RBBP8: variants seen among roughly 807,000 people sequenced by gnomAD.
RBBP8 encodes the protein DNA endonuclease RBBP8.
Under a neutral mutation model 108.3 loss-of-function variants are expected in RBBP8, and 88 were observed. The observed-to-expected ratio is 0.81, with a 90% CI of 0.68 to 0.97. RBBP8 has a LOEUF of 0.97. Among genes scored for constraint, RBBP8 ranks in the 50% least tolerant of loss-of-function variants. RBBP8 has a pLI of 0.00. For missense variants in RBBP8, 1,023 were observed against 1,049.0 expected (o/e 0.98, Z 0.34); for synonymous variants, 332 against 348.2 (o/e 0.95, Z 0.52).
At chr18:22,961,051 C>G (rs1038592973) in intron 4 of RBBP8, among the ~76,000 whole-genome samples, 21 of 152,160 alleles carry the variant, frequency 1.4e-4, no homozygotes, top group African/African-American at 5.1e-4. Context: ...TAAATAGGAA[C>G]AGTTCCAACA....
At chr18:22,965,491 C>G (rs944314247) in intron 4 of RBBP8, among the ~76,000 whole-genome samples, 1 of 152,084 alleles carries the variant, frequency 6.6e-6, no homozygotes, top group Non-Finnish European at 1.5e-5. Flanking sequence ...TGTAATAGGG[C>G]TGACTCCCAG....
At chr18:22,930,651 T>A (rs1242670602), upstream of RBBP8, among the ~76,000 whole-genome samples, 1 of 152,196 alleles carries the variant, frequency 6.6e-6, no homozygotes, top group Non-Finnish European at 1.5e-5. Flanking sequence ...AAGGTTTCCA[T>A]TTACATAGAA....
chr18:22,996,323 A>C, intron 12 of RBBP8, 51 bp from the exon 13 acceptor site: 1 of 1,606,528 alleles, frequency 6.2e-7, no homozygotes, highest in South Asian at 1.1e-5. Flanking sequence ...TAAAGTGATG[A>C]GAATTTTTGA....
In RBBP8 at chr18:23,026,235, A is replaced by G; in HGVS notation, c.2689A>G (p.Thr897Ala). The G allele has an allele frequency of 6.2e-7, 1 of 1,612,696 alleles. No homozygotes were observed. Among genetic ancestry groups the G allele is most frequent in the Non-Finnish European group, 8.5e-7 (1 of 1,178,842 alleles). Reference sequence around the variant, plus strand: ...TTCTCCAAAAGGCAAGGAGCAGAAGACATAGACGTTGAAACAGAAACAGAA... The same window carrying G: ...TTCTCCAAAAGGCAAGGAGCAGAAGGCATAGACGTTGAAACAGAAACAGAA... Reference protein sequence around the residue: ...IFSPKGKEQKT With the variant: ...IFSPKGKEQKA Residue 897 changes from threonine to alanine, a missense_variant, in exon 19 of 19, where the codon ACA (threonine) becomes GCA (alanine). Physicochemically the swap from Thr to Ala is moderately conservative, Grantham distance 58. Transcript: ENST00000327155.
intron 15 of RBBP8, among the ~76,000 whole-genome samples, chr18:23,003,114 A>G (rs1348523869): frequency 1.3e-5 from 2 of 152,102 alleles, no homozygotes; most frequent in East Asian, 3.8e-4. Context: ...GAATATCCCC[A>G]AGACTCTTTC....
intron 3 of RBBP8, among the ~76,000 whole-genome samples, chr18:22,921,249 C>T (rs1909582088): frequency 6.6e-6 from 1 of 152,100 alleles, no homozygotes; most frequent in Admixed American, 6.5e-5. Context: ...TGAGTTCATC[C>T]ACCACTATGA....
At chr18:22,951,803 T>G (rs1912070474) in intron 4 of RBBP8, among the ~76,000 whole-genome samples, 1 of 152,190 alleles carries the variant, frequency 6.6e-6, no homozygotes. Flanking sequence ...AGGAAAACAT[T>G]TATATTTATC....
At chr18:22,978,131 A>C (rs930498502) in intron 6 of RBBP8, among the ~76,000 whole-genome samples, 4 of 152,196 alleles carry the variant, frequency 2.6e-5, no homozygotes, top group African/African-American at 9.6e-5. Context: ...AGTTCTTCAG[A>C]GTAGAAAAGG....
chr18:22,924,610 A>G (rs1004321555), intron 3 of RBBP8, among the ~76,000 whole-genome samples: 4 of 152,022 alleles, frequency 2.6e-5, no homozygotes, highest in Non-Finnish European at 4.4e-5. Flanking sequence ...TTTTATAGAA[A>G]CAAAGCCTCA....
At chr18:22,977,361 G>A (rs1914569649) in intron 6 of RBBP8, among the ~76,000 whole-genome samples, 2 of 151,976 alleles carry the variant, frequency 1.3e-5, no homozygotes, top group Non-Finnish European at 2.9e-5. Context: ...GTTAAATGCA[G>A]TAACTCTAAC....
chr18:22,963,778 CATA>C (rs1473938704), intron 4 of RBBP8, among the ~76,000 whole-genome samples: 5 of 152,094 alleles, frequency 3.3e-5, no homozygotes, highest in African/African-American at 1.2e-4. Flanking sequence ...TAAAAGTAGA[CATA>C]GTAGTATAAC....
intron 12 of RBBP8, among the ~76,000 whole-genome samples, chr18:22,995,225 CATT>C (rs2144716868): frequency 6.6e-6 from 1 of 151,834 alleles, no homozygotes; most frequent in African/African-American, 2.4e-5. Flanking sequence ...TTTTCACTAT[CATT>C]CATGATTTTT....
At chr18:23,002,577 G>T (rs2045966857) in intron 15 of RBBP8, among the ~76,000 whole-genome samples, 2 of 152,136 alleles carry the variant, frequency 1.3e-5, no homozygotes, top group African/African-American at 4.8e-5. Flanking sequence ...ATCAGAAAAA[G>T]AATACTCTAA....
intron 4 of RBBP8, among the ~76,000 whole-genome samples, chr18:22,965,901 A>G (rs904810739): frequency 3.3e-5 from 5 of 152,218 alleles, no homozygotes; most frequent in Non-Finnish European, 7.3e-5. Flanking sequence ...TAGCAAGTAG[A>G]CATGTGGCTG....
At chr18:22,971,923 T>C (rs1364983139) in intron 5 of RBBP8, among the ~76,000 whole-genome samples, 1 of 150,376 alleles carries the variant, frequency 6.6e-6, no homozygotes, top group African/African-American at 2.4e-5. Flanking sequence ...GGGATTACCG[T>C]TGTGAGCCAC....
At position 23,019,761 on chromosome 18, in the gene RBBP8, A is replaced by T. The variant is rs1297222996; in HGVS notation, c.2455-2368A>T. 5.3e-5 allele frequency among the ~76,000 whole-genome samples: 7 copies of T among 131,716 alleles called. No individual in the cohort carries two copies. The South Asian group carries it at 7.4e-4, about 14-fold the overall frequency. 86.4% of individuals were successfully genotyped at this position (131,716 alleles called of 152,430 possible). A position where few individuals can be genotyped will look rare whatever the true frequency, so the allele number is the denominator to read the frequency against. ...CCCTGGACCAAGGCAACATTTTATAATTTTTTTTTTTTTTTTTTGAGTTGG... is the reference window on the plus strand; with the variant it reads ...CCCTGGACCAAGGCAACATTTTATATTTTTTTTTTTTTTTTTTTGAGTTGG... On this transcript the variant is annotated intron_variant, in intron 17 of 18. Coordinates refer to ENST00000327155, the MANE Select transcript of RBBP8 (RefSeq NM_002894.3).
At chr18:23,009,757 A>G (rs2046123749) in intron 16 of RBBP8, among the ~76,000 whole-genome samples, 1 of 152,106 alleles carries the variant, frequency 6.6e-6, no homozygotes, top group Admixed American at 6.6e-5. Context: ...AATATTATAT[A>G]TACTTTGCTC....
chr18:22,989,626 C>T (rs1915547584), intron 9 of RBBP8, among the ~76,000 whole-genome samples: 1 of 151,536 alleles, frequency 6.6e-6, no homozygotes, highest in Admixed American at 6.6e-5. Context: ...TAAGAGAAGA[C>T]CTAAACCTTC....
At chr18:22,923,690 A>G (rs1403696308) in intron 3 of RBBP8, among the ~76,000 whole-genome samples, 1 of 152,196 alleles carries the variant, frequency 6.6e-6, no homozygotes, top group Non-Finnish European at 1.5e-5. Context: ...GAATATGGTT[A>G]TATGCCAGCA....
Sources: allele counts gnomAD v4.1 joint callset (sites outside exome capture counted in the v4.1 genomes callset), GRCh38; gene constraint gnomAD v4.1.1; transcripts MANE v1.5; gene names NCBI Gene and HGNC (gene_info 2026-07-23, HGNC 2026-07-21).